The following SMYD3 variants were observed in gnomAD, a reference collection of about 807,000 sequenced individuals.
The protein encoded by SMYD3 is histone-lysine N-methyltransferase SMYD3.
A neutral mutation model predicts 57.7 loss-of-function variants in SMYD3; 36 were observed. That is an observed-to-expected ratio of 0.62 (90% CI 0.48 to 0.82). The LOEUF (loss-of-function observed/expected upper bound fraction) is 0.82, where lower values mean the gene tolerates loss of function less well. Ranked by LOEUF, SMYD3 falls within the 40% of genes least tolerant of loss-of-function variation. The pLI is 0.00. For missense variants in SMYD3, 515 were observed against 538.8 expected (o/e 0.96, Z 0.44); for synonymous variants, 211 against 195.0 (o/e 1.08, Z -0.68).
intron 5 of SMYD3, among the ~76,000 whole-genome samples, chr1:246,257,581 C>T (rs1171280863): frequency 6.6e-6 from 1 of 152,160 alleles, no homozygotes; most frequent in African/African-American, 2.4e-5. Context: ...AAACTTGCTA[C>T]TCTGTGCCCT....
chr1:246,020,406 G>A (rs148481707), intron 5 of SMYD3, among the ~76,000 whole-genome samples: 4 of 152,214 alleles, frequency 2.6e-5, no homozygotes, highest in African/African-American at 7.2e-5. Context: ...AATTCTTCTT[G>A]GCTTCTTAGG....
intron 5 of SMYD3, among the ~76,000 whole-genome samples, chr1:246,181,252 G>A (rs2062547198): frequency 6.6e-6 from 1 of 152,178 alleles, no homozygotes; most frequent in African/African-American, 2.4e-5. Flanking sequence ...TGATTGCACT[G>A]AAGGACAAAG....
chr1:246,277,027 T>A (rs541947384), intron 5 of SMYD3, among the ~76,000 whole-genome samples: 3 of 152,372 alleles, frequency 2.0e-5, no homozygotes, highest in African/African-American at 7.2e-5. Context: ...ACTAATCTCA[T>A]ATGTCTAATA....
intron 5 of SMYD3, among the ~76,000 whole-genome samples, chr1:246,082,284 G>A (rs1208846248): frequency 6.6e-6 from 1 of 152,170 alleles, no homozygotes; most frequent in African/African-American, 2.4e-5. Flanking sequence ...TGTGGCCAGA[G>A]GTCACAAGAT....
chr1:246,445,250 C>T (rs1217481573), intron 1 of SMYD3, among the ~76,000 whole-genome samples: 3 of 152,186 alleles, frequency 2.0e-5, no homozygotes, highest in African/African-American at 7.2e-5. Context: ...TCCTTACTGT[C>T]AAATTAATAA....
In SMYD3 at chr1:245,966,757, C is replaced by G. The variant is rs535677378; in HGVS notation, c.532-36820G>C. ...CCTCTGCTGTGCCTGGTGCTCAGGG[C>G]CCCTCTCCAGAAACCGTCACTCTGA... On this transcript the variant is annotated intron_variant, in intron 5 of 11. Transcript: ENST00000490107. Among the ~76,000 whole-genome samples, 7 of 152,236 alleles carry G rather than the reference C, an allele frequency of 4.6e-5. No homozygotes were observed. In the East Asian group the frequency reaches 1.4e-3, roughly 29 times the overall value.
intron 5 of SMYD3, among the ~76,000 whole-genome samples, chr1:246,197,758 A>G (rs1396822504): frequency 6.6e-6 from 1 of 152,166 alleles, no homozygotes; most frequent in Non-Finnish European, 1.5e-5. Flanking sequence ...CATTAATTGT[A>G]ATAATGCACC....
intron 5 of SMYD3, among the ~76,000 whole-genome samples, chr1:246,094,961 G>A (rs555173233): frequency 9.2e-5 from 14 of 152,084 alleles, no homozygotes; most frequent in African/African-American, 2.9e-4. Flanking sequence ...GGCAAGCCCC[G>A]CATTGGTATC....
At position 245,908,753 on chromosome 1, in the gene SMYD3, T is replaced by A. The variant is rs187712437; in HGVS notation, c.813+6777A>T. ...AGCAATTGAGAAAAAGATCAAAAACTTTATTCAAACAAATGAAAATGGACA... is the reference window on the plus strand; with the variant it reads ...AGCAATTGAGAAAAAGATCAAAAACATTATTCAAACAAATGAAAATGGACA... On this transcript the variant is annotated intron_variant, in intron 8 of 11. Coordinates refer to ENST00000490107, the MANE Select transcript of SMYD3 (RefSeq NM_001167740.2). 1.4e-3 allele frequency among the ~76,000 whole-genome samples: 212 copies of A among 152,096 alleles called. 2 individuals carry two copies. The highest frequency in any genetic ancestry group is 3.4e-3 in the Middle Eastern group (1 of 294).
intron 5 of SMYD3, among the ~76,000 whole-genome samples, chr1:246,080,176 G>A (rs1007234883): frequency 7.9e-5 from 11 of 139,066 alleles, no homozygotes; most frequent in Admixed American, 3.4e-4. Context: ...CCAGGGCTGC[G>A]GACTGGTACT....
chr1:245,880,538 ATTACT>A (rs1162611935), intron 8 of SMYD3, among the ~76,000 whole-genome samples: 2 of 152,234 alleles, frequency 1.3e-5, no homozygotes, highest in Non-Finnish European at 2.9e-5. Flanking sequence ...TATTGTGCTA[ATTACT>A]TTAAACACTG....
At chr1:245,842,354 G>A (rs567144412) in intron 10 of SMYD3, among the ~76,000 whole-genome samples, 40 of 152,200 alleles carry the variant, frequency 2.6e-4, no homozygotes, top group Non-Finnish European at 5.1e-4. Flanking sequence ...TTGATGAATT[G>A]GCTTTCCATA....
chr1:245,835,122 C>CTT (rs11449373), intron 10 of SMYD3, among the ~76,000 whole-genome samples: 63,836 of 133,944 alleles, frequency 0.48, 17,131 homozygotes, highest in Middle Eastern at 0.68. Flanking sequence ...GGCAGGTTTC[C>CTT]TTTTTTTTTT....
At chr1:246,234,184 T>A (rs12140524) in intron 5 of SMYD3, among the ~76,000 whole-genome samples, 2,556 of 112,544 alleles carry the variant, frequency 0.023, 8 homozygotes, top group East Asian at 0.095. Context: ...CAATTCACAC[T>A]GTGATGAACA....
At chr1:245,794,398 G>A (rs1223432712) in intron 10 of SMYD3, among the ~76,000 whole-genome samples, 4 of 152,156 alleles carry the variant, frequency 2.6e-5, no homozygotes, top group Admixed American at 6.5e-5. Flanking sequence ...GACATTCCAC[G>A]TGACCTGACG....
At chr1:246,136,671 G>A (rs958761815) in intron 5 of SMYD3, among the ~76,000 whole-genome samples, 1 of 152,170 alleles carries the variant, frequency 6.6e-6, no homozygotes, top group African/African-American at 2.4e-5. Context: ...ATGAATCAAT[G>A]AGTGAGTAAA....
intron 8 of SMYD3, among the ~76,000 whole-genome samples, chr1:245,871,390 T>C (rs902516221): frequency 6.6e-6 from 1 of 152,188 alleles, no homozygotes; most frequent in Admixed American, 6.5e-5. Context: ...AGTTCAGATG[T>C]AACTTGAGGG....
chr1:246,351,197 T>C (rs963958909), intron 2 of SMYD3, among the ~76,000 whole-genome samples: 1 of 152,182 alleles, frequency 6.6e-6, no homozygotes, highest in Non-Finnish European at 1.5e-5. Flanking sequence ...CAATATAAAA[T>C]AGAGCTTGTA....
At chr1:245,835,612 T>C (rs1052808649) in intron 10 of SMYD3, among the ~76,000 whole-genome samples, 10 of 152,204 alleles carry the variant, frequency 6.6e-5, no homozygotes, top group Admixed American at 4.6e-4. Flanking sequence ...CACTAGGGAC[T>C]GTCTCATGGT....
Sources: gnomAD v4.1 joint callset for allele counts (sites outside exome capture counted in the v4.1 genomes callset) on GRCh38, gnomAD v4.1.1 for gene constraint, MANE v1.5 for transcripts, NCBI Gene and HGNC (gene_info 2026-07-23, HGNC 2026-07-21) for gene names.